Variants in DCDC2C observed in about 807,000 individuals in gnomAD.
DCDC2C encodes the protein doublecortin domain containing 2C, also known as doublecortin domain-containing protein 2C.
DCDC2C carries 44 observed loss-of-function variants against 45.0 expected under a neutral mutation model. The observed-to-expected ratio is 0.98, with a 90% CI of 0.77 to 1.26. DCDC2C has a LOEUF of 1.26. DCDC2C is among the 50% of genes most tolerant of loss of function. The probability of loss-of-function intolerance (pLI) is 0.00; values close to 1 mark genes in which losing one functional copy is unlikely to be tolerated. For synonymous variants in DCDC2C, 187 were observed against 178.8 expected (o/e 1.05, Z -0.37); for missense variants, 447 against 468.9 (o/e 0.95, Z 0.43).
At chr2:3,812,117 A>G (rs1474482973) in intron 10 of DCDC2C, among the ~76,000 whole-genome samples, 3 of 151,672 alleles carry the variant, frequency 2.0e-5, no homozygotes, top group Non-Finnish European at 4.4e-5. Context: ...GGACTCCCTC[A>G]TTTTCAATTG....
intron 10 of DCDC2C, among the ~76,000 whole-genome samples, chr2:3,790,756 C>T (rs1343679863): frequency 6.6e-6 from 1 of 152,140 alleles, no homozygotes; most frequent in Non-Finnish European, 1.5e-5. Flanking sequence ...AGTCTAAGGT[C>T]ATTAGTAATG....
chr2:3,814,673 C>T (rs1671509906), intron 10 of DCDC2C, among the ~76,000 whole-genome samples: 1 of 152,240 alleles, frequency 6.6e-6, no homozygotes, highest in African/African-American at 2.4e-5. Context: ...GCTAAGTCTG[C>T]TGGTCTGCAG....
intron 2 of DCDC2C, among the ~76,000 whole-genome samples, chr2:3,719,468 T>C (rs1427921268): frequency 6.6e-6 from 1 of 152,178 alleles, no homozygotes; most frequent in Non-Finnish European, 1.5e-5. Flanking sequence ...TGCTTCCTCA[T>C]TCCGAGCTGG....
chr2:3,813,872 G>A (rs962847141), intron 10 of DCDC2C, among the ~76,000 whole-genome samples: 1 of 150,920 alleles, frequency 6.6e-6, no homozygotes, highest in African/African-American at 2.4e-5. Context: ...TATCCAATTT[G>A]CCAGTCTGTG....
At chr2:3,808,555 C>A (rs1671313349) in intron 10 of DCDC2C, among the ~76,000 whole-genome samples, 1 of 152,124 alleles carries the variant, frequency 6.6e-6, no homozygotes, top group South Asian at 2.1e-4. Flanking sequence ...CTACACCCAG[C>A]TAATTTTTGT....
At chr2:3,841,510 G>T (rs1311839959) in intron 10 of DCDC2C, among the ~76,000 whole-genome samples, 1 of 144,696 alleles carries the variant, frequency 6.9e-6, no homozygotes, top group Non-Finnish European at 1.5e-5. Context: ...GAGTGCTTAT[G>T]TGTGGGACTA....
intron 10 of DCDC2C, among the ~76,000 whole-genome samples, chr2:3,785,330 T>A (rs552180456): frequency 6.6e-6 from 1 of 152,122 alleles, no homozygotes; most frequent in South Asian, 2.1e-4. Context: ...GAAAGGCAAA[T>A]AAGAACCAGG....
chr2:3,798,652 A>G (rs1454661861), intron 10 of DCDC2C, among the ~76,000 whole-genome samples: 1 of 149,994 alleles, frequency 6.7e-6, no homozygotes, highest in African/African-American at 2.4e-5. Context: ...CTGGATATGA[A>G]ATTCTGGGTT....
At position 3,768,019 on chromosome 2, in the gene DCDC2C, T is replaced by C; in HGVS notation, c.853+139T>C. 3.8e-6 allele frequency: 4 copies of C among 1,039,534 alleles called. No individual in the cohort carries two copies. The South Asian group carries it at 8.8e-5, about 23-fold the overall frequency. The allele number at this position is 1,039,534 out of a possible 1,614,324, so 64.4% of individuals were successfully genotyped here. A position where few individuals can be genotyped will look rare whatever the true frequency, so the allele number is the denominator to read the frequency against. The stretch of plus-strand genomic sequence containing the variant: ...AACTATCTGCTTTATTAATAAAAGG[T>C]TCAGCTTGTAGGTAGTTCAGTAGTT... On this transcript the variant is annotated intron_variant, in intron 7 of 10. Transcript: ENST00000399143.
chr2:3,768,787 T>C (rs531114454), intron 7 of DCDC2C, among the ~76,000 whole-genome samples: 3 of 152,214 alleles, frequency 2.0e-5, no homozygotes, highest in Non-Finnish European at 4.4e-5. Flanking sequence ...GTGCCCAGGC[T>C]GGTCTTGAAC....
At chr2:3,743,897 A>G (rs1381439562) in intron 4 of DCDC2C, among the ~76,000 whole-genome samples, 1 of 152,134 alleles carries the variant, frequency 6.6e-6, no homozygotes, top group Non-Finnish European at 1.5e-5. Flanking sequence ...GTGAAACCCC[A>G]TCTCTACTAA....
chr2:3,798,690 A>G (rs1285033523), intron 10 of DCDC2C, among the ~76,000 whole-genome samples: 1 of 151,328 alleles, frequency 6.6e-6, no homozygotes, highest in African/African-American at 2.4e-5. Flanking sequence ...AGAATGTTGA[A>G]TATTGGCCCC....
intron 10 of DCDC2C, among the ~76,000 whole-genome samples, chr2:3,832,676 C>T (rs1307659271): frequency 6.6e-6 from 1 of 152,204 alleles, no homozygotes; most frequent in East Asian, 1.9e-4. Context: ...CAATATTAGG[C>T]ATATGGCCTG....
In DCDC2C at chr2:3,727,006, A is replaced by G. The variant is rs1668708139; in HGVS notation, c.343A>G (p.Lys115Glu). 6.4e-7 allele frequency: 1 copy of G among 1,550,466 alleles called. No individual in the cohort carries two copies. The change falls in exon 3 of 11, where the codon AAA becomes GAA. Residue 115 changes from lysine (K) to glutamate (E), a missense_variant. Physicochemically the swap from Lys to Glu is moderately conservative, Grantham distance 56. Coordinates refer to ENST00000399143, the MANE Select transcript of DCDC2C (RefSeq NM_001287444.2). Reference protein sequence around the residue: ...PAKIRKLKEIKPVVHCDINVP... With the variant: ...PAKIRKLKEIEPVVHCDINVP... ...GGTGTGTTTTTTCCTTTTTCAGATC[A>G]AACCAGTGGTGCATTGTGATATAAA...
chr2:3,845,363 C>T (rs1200580174), intron 10 of DCDC2C, among the ~76,000 whole-genome samples: 1 of 152,188 alleles, frequency 6.6e-6, no homozygotes, highest in South Asian at 2.1e-4. Context: ...CTGCACTTGA[C>T]TCCAGGTTGG....
At chr2:3,763,292 A>G (rs975665333) in intron 6 of DCDC2C, among the ~76,000 whole-genome samples, 6 of 152,106 alleles carry the variant, frequency 3.9e-5, no homozygotes, top group Admixed American at 6.5e-5. Context: ...TCTCCATTCT[A>G]TCGCACCTCA....
In DCDC2C at chr2:3,769,336, T is replaced by C; in HGVS notation, c.879T>C (p.Thr293=). The change falls in exon 8 of 11, where the codon ACT becomes ACC. Residue 293 remains threonine (T), a synonymous_variant. Coordinates refer to ENST00000399143, the MANE Select transcript of DCDC2C (RefSeq NM_001287444.2). ...AAGGTGACGTGTATAAAGCACCGAC[T>C]CCTAGCAAGGAAACCCAAGGGGCGC... ...GAEGDVYKAP[T]PSKETQGALD... 1 of 1,550,556 alleles carries C rather than the reference T, an allele frequency of 6.4e-7. No individual in the cohort carries two copies. Among genetic ancestry groups the C allele is most frequent in the South Asian group, 1.2e-5 (1 of 84,050 alleles).
intron 10 of DCDC2C, among the ~76,000 whole-genome samples, chr2:3,829,284 C>CTTTTTTTTT (rs5828893): frequency 7.7e-6 from 1 of 129,592 alleles, no homozygotes; most frequent in Non-Finnish European, 1.6e-5. Flanking sequence ...ATGTCTTTTT[C>CTTTTTTTTT]TTTTTTTTTT....
chr2:3,745,839 A>G (rs1669345051), intron 4 of DCDC2C, among the ~76,000 whole-genome samples: 1 of 150,868 alleles, frequency 6.6e-6, no homozygotes. Context: ...CCTCCTGAGT[A>G]GTTGGGACTA....
Sources: gnomAD v4.1 joint callset for allele counts (sites outside exome capture counted in the v4.1 genomes callset) on GRCh38, gnomAD v4.1.1 for gene constraint, MANE v1.5 for transcripts, NCBI Gene and HGNC (gene_info 2026-07-23, HGNC 2026-07-21) for gene names.